Variants in SCFD2 observed in about 807,000 individuals in gnomAD.
SCFD2 encodes the protein sec1 family domain-containing protein 2.
In SCFD2, 54 loss-of-function variants were observed where a neutral mutation model predicts 58.9. That is an observed-to-expected ratio of 0.92 (90% CI 0.74 to 1.15). The LOEUF is 1.15. SCFD2 is among the 50% of genes most tolerant of loss of function. The pLI is 0.00. For synonymous variants in SCFD2, 321 were observed against 335.9 expected, an observed-to-expected ratio of 0.96 and a Z score of 0.49; for missense variants, 805 against 836.6, an observed-to-expected ratio of 0.96 and a Z score of 0.47.
intron 5 of SCFD2, among the ~76,000 whole-genome samples, chr4:53,013,821 CAT>C (rs1439243464): frequency 6.6e-6 from 1 of 151,996 alleles, no homozygotes; most frequent in African/African-American, 2.4e-5. Flanking sequence ...AGAAGCTTCA[CAT>C]GTTTACCACT....
chr4:53,237,675 G>C (rs1454051943), intron 4 of SCFD2, among the ~76,000 whole-genome samples: 6 of 129,738 alleles, frequency 4.6e-5, no homozygotes, highest in Admixed American at 7.3e-5. Flanking sequence ...CGGACGGGGC[G>C]GCTGGCCGGG....
intron 5 of SCFD2, among the ~76,000 whole-genome samples, chr4:53,096,699 G>A (rs1724647999): frequency 6.6e-6 from 1 of 152,136 alleles, no homozygotes; most frequent in African/African-American, 2.4e-5. Context: ...CTTTTGCTGT[G>A]CAGAAGCTCT....
intron 4 of SCFD2, among the ~76,000 whole-genome samples, chr4:53,244,723 A>T (rs966070479): frequency 1.3e-5 from 2 of 152,116 alleles, no homozygotes; most frequent in Non-Finnish European, 2.9e-5. Flanking sequence ...AAGCTAGCAG[A>T]AGACAAGAAA....
intron 4 of SCFD2, among the ~76,000 whole-genome samples, chr4:53,168,455 A>G (rs1049211945): frequency 2.6e-5 from 4 of 152,236 alleles, no homozygotes; most frequent in African/African-American, 9.6e-5. Context: ...GAATGAGTCA[A>G]CAGACATATC....
chr4:53,248,224 G>A (rs576348515), intron 4 of SCFD2, among the ~76,000 whole-genome samples: 2 of 152,224 alleles, frequency 1.3e-5, no homozygotes, highest in Non-Finnish European at 2.9e-5. Context: ...ACGGGCTTAG[G>A]AAACGGCGCA....
chr4:53,230,919 A>G (rs940852809), intron 4 of SCFD2, among the ~76,000 whole-genome samples: 14 of 152,086 alleles, frequency 9.2e-5, no homozygotes, highest in African/African-American at 2.7e-4. Flanking sequence ...CATCAAACCA[A>G]TATGTACACT....
chr4:53,047,646 A>G (rs1723076537), intron 5 of SCFD2, among the ~76,000 whole-genome samples: 1 of 152,132 alleles, frequency 6.6e-6, no homozygotes, highest in Non-Finnish European at 1.5e-5. Context: ...CCGTCTTACG[A>G]TTTTAAAATT....
intron 4 of SCFD2, among the ~76,000 whole-genome samples, chr4:53,245,176 T>C (rs1364178038): frequency 2.0e-5 from 3 of 150,520 alleles, no homozygotes; most frequent in Admixed American, 6.7e-5. Context: ...TTATACTAGA[T>C]GTACAAGAAG....
chr4:53,188,726 T>C (rs989748729), intron 4 of SCFD2, among the ~76,000 whole-genome samples: 3 of 152,112 alleles, frequency 2.0e-5, no homozygotes, highest in African/African-American at 7.2e-5. Flanking sequence ...AATGAGAGAA[T>C]AGACCTAGTT....
intron 5 of SCFD2, among the ~76,000 whole-genome samples, chr4:53,140,663 T>C (rs543164839): frequency 1.3e-5 from 2 of 152,058 alleles, no homozygotes; most frequent in Non-Finnish European, 2.9e-5. Context: ...TTAACCAGAA[T>C]ATTAATTCTC....
At chr4:53,025,670 A>G (rs546026247) in intron 5 of SCFD2, among the ~76,000 whole-genome samples, 9 of 152,332 alleles carry the variant, frequency 5.9e-5, no homozygotes, top group Middle Eastern at 3.4e-3. Flanking sequence ...TGAGTTAAAA[A>G]AAGAGATTTT....
At chr4:53,018,008 C>T (rs1474703696) in intron 5 of SCFD2, among the ~76,000 whole-genome samples, 1 of 152,226 alleles carries the variant, frequency 6.6e-6, no homozygotes, top group Non-Finnish European at 1.5e-5. Context: ...ATCCATCCTG[C>T]TCTCTTTCCT....
intron 3 of SCFD2, among the ~76,000 whole-genome samples, chr4:53,277,668 G>C (rs889706874): frequency 2.0e-5 from 3 of 152,124 alleles, no homozygotes; most frequent in African/African-American, 7.2e-5. Flanking sequence ...CCAGGAAACG[G>C]GAATCACCAG....
intron 3 of SCFD2, among the ~76,000 whole-genome samples, chr4:53,275,164 A>T (rs748241211): frequency 2.0e-5 from 3 of 152,214 alleles, no homozygotes; most frequent in Non-Finnish European, 4.4e-5. Flanking sequence ...CTAAGAAAGT[A>T]ATGTCTTACC....
chr4:53,169,214 A>T (rs1727103666), intron 4 of SCFD2, among the ~76,000 whole-genome samples: 1 of 152,078 alleles, frequency 6.6e-6, no homozygotes, highest in Non-Finnish European at 1.5e-5. Flanking sequence ...CATCTCTACT[A>T]AAAATACAAA....
At chr4:53,130,833 A>G (rs1725766781) in intron 5 of SCFD2, among the ~76,000 whole-genome samples, 1 of 152,250 alleles carries the variant, frequency 6.6e-6, no homozygotes, top group Admixed American at 6.5e-5. Context: ...GATAACTAAA[A>G]GGAAGAAAAT....
At chr4:52,917,189 G>A (rs1168341907) in intron 6 of SCFD2, among the ~76,000 whole-genome samples, 3 of 152,158 alleles carry the variant, frequency 2.0e-5, no homozygotes, top group African/African-American at 7.2e-5. Context: ...TTACAGGTGT[G>A]AACCACTGCA....
chr4:53,198,611 A>C (rs1313766999), intron 4 of SCFD2, among the ~76,000 whole-genome samples: 8 of 151,554 alleles, frequency 5.3e-5, no homozygotes, highest in Non-Finnish European at 1.5e-5. Context: ...CTACTTGTCC[A>C]TTTTTGTTTA....
intron 1 of SCFD2, among the ~76,000 whole-genome samples, chr4:53,360,060 T>C (rs1734508087): frequency 6.6e-6 from 1 of 152,230 alleles, no homozygotes; most frequent in Non-Finnish European, 1.5e-5. Context: ...ATTTGGTGAC[T>C]TGTGGTCTTA....
Sources: allele counts gnomAD v4.1 joint callset (sites outside exome capture counted in the v4.1 genomes callset), GRCh38; gene constraint gnomAD v4.1.1; transcripts MANE v1.5; gene names NCBI Gene and HGNC (gene_info 2026-07-23, HGNC 2026-07-21).